Variants in RUNX1 observed in about 807,000 individuals in gnomAD.
RUNX1 encodes RUNX family transcription factor 1.
In RUNX1, 19 loss-of-function variants were observed where a neutral mutation model predicts 42.8. That is an observed-to-expected ratio of 0.44 (90% CI 0.31 to 0.65). The LOEUF (loss-of-function observed/expected upper bound fraction) is 0.65, where lower values mean the gene tolerates loss of function less well. Among genes scored for constraint, RUNX1 ranks in the 30% least tolerant of loss-of-function variants. The pLI is 0.07. For missense variants in RUNX1, 528 were observed against 672.0 expected (o/e 0.79, Z 2.37); for synonymous variants, 271 against 289.4 (o/e 0.94, Z 0.64).
intron 7 of RUNX1, among the ~76,000 whole-genome samples, chr21:34,822,013 G>T (rs1025356002): frequency 2.6e-5 from 4 of 152,210 alleles, no homozygotes; most frequent in Non-Finnish European, 4.4e-5. Context: ...TCACACAGCA[G>T]AACTATAAAG....
intron 5 of RUNX1, among the ~76,000 whole-genome samples, chr21:34,873,606 A>C (rs1199251631): frequency 6.6e-6 from 1 of 152,214 alleles, no homozygotes; most frequent in Non-Finnish European, 1.5e-5. Context: ...GAGCCTCTCA[A>C]AGGAAGTTGC....
intron 2 of RUNX1, among the ~76,000 whole-genome samples, chr21:34,919,268 A>G (rs1322163895): frequency 6.6e-6 from 1 of 152,176 alleles, no homozygotes; most frequent in Non-Finnish European, 1.5e-5. Flanking sequence ...ATTTGCAAGT[A>G]TAGTCTTTGA....
Position 35,049,205 on chromosome 21 carries a change from T to G in RUNX1, c.-97A>C, listed in dbSNP as rs1322795434. The G allele has an allele frequency of 4.9e-6, 2 of 407,686 alleles. No individual in the cohort carries two copies. Among genetic ancestry groups the G allele is most frequent in the African/African-American group, 4.0e-5 (2 of 49,394 alleles). The allele number at this position is 407,686 out of a possible 1,614,324, so 25.3% of individuals were successfully genotyped here. On this transcript the variant is annotated 5_prime_UTR_variant, in exon 1 of 9. Coordinates refer to ENST00000675419, the MANE Select transcript of RUNX1 (RefSeq NM_001754.5). ...CCCTGTGGTTTGCATTCAGTGTGATTCGTCCTGCCTGCTGACCACTATGCT... is the reference window on the plus strand; with the variant it reads ...CCCTGTGGTTTGCATTCAGTGTGATGCGTCCTGCCTGCTGACCACTATGCT...
intron 5 of RUNX1, among the ~76,000 whole-genome samples, chr21:34,878,637 C>T (rs761722979): frequency 1.3e-5 from 2 of 152,012 alleles, no homozygotes; most frequent in African/African-American, 2.4e-5. Context: ...CATACTGGCA[C>T]GAATCCTGCA....
At chr21:34,931,235 T>A (rs2058442214) in intron 2 of RUNX1, among the ~76,000 whole-genome samples, 1 of 151,640 alleles carries the variant, frequency 6.6e-6, no homozygotes, top group African/African-American at 2.4e-5. Context: ...TCCAATAATA[T>A]TATTATTTTT....
At chr21:34,798,690 TATTTACATAGC>T (rs1290937731) in intron 8 of RUNX1, among the ~76,000 whole-genome samples, 16 of 152,312 alleles carry the variant, frequency 1.1e-4, no homozygotes, top group African/African-American at 3.8e-4. Flanking sequence ...GTATAACAAG[TATTTACATAGC>T]ATTTACATTT....
intron 2 of RUNX1, among the ~76,000 whole-genome samples, chr21:34,973,141 A>G (rs2058775021): frequency 6.6e-6 from 1 of 152,110 alleles, no homozygotes; most frequent in African/African-American, 2.4e-5. Flanking sequence ...AGACTATCTC[A>G]TAGTTTTCAG....
chr21:34,906,217 C>A (rs2058217952), intron 2 of RUNX1, among the ~76,000 whole-genome samples: 1 of 152,126 alleles, frequency 6.6e-6, no homozygotes, highest in African/African-American at 2.4e-5. Flanking sequence ...AGAACAGCAG[C>A]CTACGAATGC....
At chr21:34,995,039 C>T (rs574679032) in intron 2 of RUNX1, among the ~76,000 whole-genome samples, 39 of 152,322 alleles carry the variant, frequency 2.6e-4, no homozygotes, top group African/African-American at 8.7e-4. Context: ...CATGGACACC[C>T]GTGGCATTTA....
chr21:34,793,677 C>G (rs1371101574), intron 8 of RUNX1, among the ~76,000 whole-genome samples: 1 of 151,798 alleles, frequency 6.6e-6, no homozygotes, highest in Non-Finnish European at 1.5e-5. Flanking sequence ...AGTATAGGGA[C>G]TGCAGGAGCC....
At chr21:34,817,029 T>C (rs1168417604) in intron 7 of RUNX1, among the ~76,000 whole-genome samples, 1 of 152,156 alleles carries the variant, frequency 6.6e-6, no homozygotes, top group African/African-American at 2.4e-5. Context: ...TTCGGCCACT[T>C]TCCTCCAAAG....
intron 5 of RUNX1, among the ~76,000 whole-genome samples, chr21:34,872,323 T>C (rs973823690): frequency 6.6e-6 from 1 of 152,012 alleles, no homozygotes; most frequent in African/African-American, 2.4e-5. Flanking sequence ...CATGAGGGGG[T>C]GGCTACAGTG....
At chr21:34,794,178 C>G (rs1055164537) in intron 8 of RUNX1, among the ~76,000 whole-genome samples, 1 of 151,912 alleles carries the variant, frequency 6.6e-6, no homozygotes, top group Non-Finnish European at 1.5e-5. Context: ...ATATGTTATA[C>G]ATAATATATA....
chr21:34,889,817 A>G, intron 3 of RUNX1: 4 of 1,113,918 alleles, frequency 3.6e-6, no homozygotes, highest in Non-Finnish European at 4.4e-6. Flanking sequence ...GCTCCCTCCC[A>G]GCGGAGGCTG....
At position 34,889,562 on chromosome 21, in the gene RUNX1, C is replaced by T. The variant is rs1030974663; in HGVS notation, c.98-2466G>A. 7 of 664,942 alleles carry T rather than the reference C, an allele frequency of 1.1e-5. No individual in the cohort carries two copies. In the South Asian group the frequency reaches 2.2e-4, roughly 21 times the overall value. 41.2% of individuals were successfully genotyped at this position (664,942 alleles called of 1,614,324 possible). ...TCCCGGGCCTTGTAGCGCCGGCACCCGCAGCAGCCGGACAGCCTGCCCGGG... is the reference window on the plus strand; with the variant it reads ...TCCCGGGCCTTGTAGCGCCGGCACCTGCAGCAGCCGGACAGCCTGCCCGGG... On this transcript the variant is annotated intron_variant, in intron 3 of 8. Transcript: ENST00000675419.
At chr21:34,917,065 T>C (rs1297129875) in intron 2 of RUNX1, among the ~76,000 whole-genome samples, 2 of 152,204 alleles carry the variant, frequency 1.3e-5, no homozygotes, top group Non-Finnish European at 2.9e-5. Flanking sequence ...GTAGAAGTCC[T>C]ATAACTAAGT....
At position 34,901,496 on chromosome 21, in the gene RUNX1, G is replaced by A. The variant is rs2058177339; in HGVS notation, c.59-8533C>T. Among the ~76,000 whole-genome samples, 1 of 151,958 alleles carries A rather than the reference G, an allele frequency of 6.6e-6. No individual in the cohort carries two copies. Among genetic ancestry groups the A allele is most frequent in the Non-Finnish European group, 1.5e-5 (1 of 68,024 alleles). ...CCACTGCACTCCAACCTGGGGGACAGAGCCAGATCCGTCTCAAAAATAAAT... is the reference window on the plus strand; with the variant it reads ...CCACTGCACTCCAACCTGGGGGACAAAGCCAGATCCGTCTCAAAAATAAAT... On this transcript the variant is annotated intron_variant, in intron 2 of 8. Transcript: ENST00000675419. The surrounding 1 kb of genome is among the most constrained non-coding windows in gnomAD (Gnocchi z 4.3).
At chr21:34,823,981 A>T (rs1248859485) in intron 7 of RUNX1, among the ~76,000 whole-genome samples, 1 of 152,194 alleles carries the variant, frequency 6.6e-6, no homozygotes, top group Non-Finnish European at 1.5e-5. Flanking sequence ...AACCCTATTG[A>T]GAAAGTTCTA....
chr21:34,861,095 C>T (rs2057567991), intron 5 of RUNX1, among the ~76,000 whole-genome samples: 1 of 152,174 alleles, frequency 6.6e-6, no homozygotes, highest in African/African-American at 2.4e-5. Flanking sequence ...GAGACTCTGC[C>T]TCCAAATCCA....
Sources: allele counts gnomAD v4.1 joint callset (sites outside exome capture counted in the v4.1 genomes callset), GRCh38; gene constraint gnomAD v4.1.1; non-coding constraint Gnocchi (gnomAD v3.1); transcripts MANE v1.5; gene names NCBI Gene and HGNC (gene_info 2026-07-23, HGNC 2026-07-21).